The following IFRD1 variants were observed in gnomAD, a reference collection of about 807,000 sequenced individuals.
IFRD1 encodes interferon-related developmental regulator 1.
A neutral mutation model predicts 52.9 loss-of-function variants in IFRD1; 35 were observed. That is an observed-to-expected ratio of 0.66 (90% CI 0.51 to 0.88). The LOEUF (loss-of-function observed/expected upper bound fraction) is 0.88. Ranked by LOEUF, IFRD1 falls within the 40% of genes least tolerant of loss-of-function variation. The pLI is 0.00. For missense variants in IFRD1, 517 were observed against 550.8 expected (o/e 0.94, Z 0.61); for synonymous variants, 184 against 188.4 (o/e 0.98, Z 0.19).
intron 8 of IFRD1, 200 bp from the exon 9 acceptor site, chr7:112,467,781 A>C: frequency 1.7e-6 from 1 of 589,180 alleles, no homozygotes; most frequent in Non-Finnish European, 3.0e-6. Flanking sequence ...GTAGTACATC[A>C]TCTTGTAGTC....
In IFRD1 at chr7:112,462,165, G is replaced by T; in HGVS notation, c.783G>T (p.Lys261Asn). 6.2e-7 allele frequency: 1 copy of T among 1,613,790 alleles called. No homozygotes were observed. The highest frequency in any genetic ancestry group is 8.5e-7 in the Non-Finnish European group (1 of 1,179,860). Residue 261 changes from lysine to asparagine, a missense_variant, in exon 7 of 12, where the codon AAG (lysine) becomes AAT (asparagine). By Grantham distance (94) the Lys-to-Asn change is moderately conservative. Transcript: ENST00000403825. Reference sequence around the variant, plus strand: ...CCATATGCCCAATCAATGAAGTGAAGAAAAAGCTTGAGATGTATGTATTTT... The same window carrying T: ...CCATATGCCCAATCAATGAAGTGAATAAAAAGCTTGAGATGTATGTATTTT... The part of the protein sequence containing the change: ...LLTICPINEV[K>N]KKLEMHFHKL...
intron 9 of IFRD1, among the ~76,000 whole-genome samples, chr7:112,470,338 C>T (rs1251292772): frequency 1.3e-5 from 2 of 152,152 alleles, no homozygotes; most frequent in Non-Finnish European, 2.9e-5. Flanking sequence ...GAGAAAGTAA[C>T]GTTTCACTTA....
chr7:112,450,839 C>T, intron 1 of IFRD1, 57 bp downstream of exon 1: 1 of 1,183,290 alleles, frequency 8.5e-7, no homozygotes, highest in Non-Finnish European at 1.3e-6. Flanking sequence ...GCGAGTCTTC[C>T]ATGCTTCGGC....
intron 3 of IFRD1, 83 bp downstream of exon 3, chr7:112,456,169 A>G (rs1208135219): frequency 2.4e-6 from 2 of 825,866 alleles, no homozygotes; most frequent in Non-Finnish European, 4.2e-6. Flanking sequence ...ATTCTGTGTG[A>G]TTCTAATCAG....
In IFRD1 at chr7:112,462,136, CTGACCATATGCCCAATCAA is replaced by C. The variant is rs1795454796; in HGVS notation, c.758_776del (p.Thr253LysfsTer2). 6.2e-7 allele frequency: 1 copy of C among 1,613,688 alleles called. No homozygotes were observed. ...CTCTCTTCTTGCATGGACACTACTG[CTGACCATATGCCCAATCAA>C]TGAAGTGAAGAAAAAGCTTGAGATG... On this transcript the variant is annotated frameshift_variant, in exon 7 of 12. Coordinates refer to ENST00000403825, the MANE Select transcript of IFRD1 (RefSeq NM_001550.4). LOFTEE classifies it high-confidence loss of function.
At position 112,455,856 on chromosome 7, in the gene IFRD1, T is replaced by C; in HGVS notation, c.188T>C (p.Phe63Ser). The C allele has an allele frequency of 1.2e-6, 2 of 1,606,746 alleles. No homozygotes were observed. The highest frequency in any genetic ancestry group is 1.7e-6 in the Non-Finnish European group (2 of 1,173,286). The part of the protein sequence containing the change: ...HCSGYSDPSS[F>S]AEDGPEVLDE... ...AGTGGTTATAGCGATCCTTCCAGTT[T>C]TGCTGAAGATGGTATGAGTTTTAAA... Residue 63 changes from phenylalanine to serine, a missense_variant, in exon 2 of 12, where the codon TTT becomes TCT. Transcript: ENST00000403825.
chr7:112,472,623 C>T (rs1033364629), intron 10 of IFRD1, 143 bp from the exon 11 acceptor site: 4 of 735,972 alleles, frequency 5.4e-6, no homozygotes, highest in Middle Eastern at 2.8e-4. Context: ...AAACAATTTG[C>T]TTTCTATTGA....
intron 1 of IFRD1, among the ~76,000 whole-genome samples, chr7:112,445,358 G>A (rs975080898): frequency 5.3e-5 from 8 of 151,870 alleles, no homozygotes; most frequent in South Asian, 2.1e-4. Flanking sequence ...GAGTTACCCC[G>A]CCCGGCCGGC....
At chr7:112,463,853 T>TACACACACACACACACAC in intron 8 of IFRD1, among the ~76,000 whole-genome samples, 3 of 43,454 alleles carry the variant, frequency 6.9e-5, no homozygotes, top group East Asian at 4.7e-4. Flanking sequence ...CACATTTATA[T>TACACACACACACACACAC]ACACACACAC....
chr7:112,428,632 C>T (rs1794479754), intron 1 of IFRD1, among the ~76,000 whole-genome samples: 1 of 152,182 alleles, frequency 6.6e-6, no homozygotes, highest in Non-Finnish European at 1.5e-5. Context: ...TAGCTATCAT[C>T]TGCTTATGAG....
At chr7:112,427,296 T>C (rs974591044) in intron 1 of IFRD1, among the ~76,000 whole-genome samples, 1 of 152,200 alleles carries the variant, frequency 6.6e-6, no homozygotes, top group Non-Finnish European at 1.5e-5. Context: ...TCCTGTTGCA[T>C]TGGGGATTAA....
In IFRD1 at chr7:112,470,743, G is replaced by A. The variant is rs3095058; in HGVS notation, c.1042-1476G>A. 6.8e-3 allele frequency among the ~76,000 whole-genome samples: 1,033 copies of A among 152,250 alleles called. 13 individuals are homozygous for A. The highest frequency in any genetic ancestry group is 0.024 in the African/African-American group (992 of 41,552). ...TAGTATTTGCATATAACCTATGCAC[G>A]TATACTTTAAATCATCTGTAGATTA... On this transcript the variant is annotated intron_variant, in intron 9 of 11. Transcript: ENST00000403825.
chr7:112,450,786 A>G lies in IFRD1; in HGVS notation c.94+4A>G, dbSNP rs1259418144. 14 of 1,606,902 alleles carry G rather than the reference A, an allele frequency of 8.7e-6. No individual in the cohort carries two copies. The highest frequency in any genetic ancestry group is 1.1e-5 in the Non-Finnish European group (13 of 1,174,880). On this transcript the variant is annotated splice_donor_region_variant and intron_variant, in intron 1 of 11. Transcript: ENST00000403825. ...GCAGCGACGGCGGCGACAGCAGGTAAGGGGTATCCCCGCCGCCGGCATCCC... is the reference window on the plus strand; with the variant it reads ...GCAGCGACGGCGGCGACAGCAGGTAGGGGGTATCCCCGCCGCCGGCATCCC...
intron 10 of IFRD1, 149 bp downstream of exon 10, chr7:112,472,496 A>G: frequency 3.3e-6 from 3 of 919,168 alleles, no homozygotes; most frequent in Admixed American, 2.1e-5. Flanking sequence ...GTAGACTTGA[A>G]TAAATCTGAA....
chr7:112,438,233 A>T (rs907301294), intron 1 of IFRD1, among the ~76,000 whole-genome samples: 2 of 152,074 alleles, frequency 1.3e-5, no homozygotes, highest in Non-Finnish European at 2.9e-5. Context: ...CTGATTTCAT[A>T]AAAAAAGGGG....
At chr7:112,464,786 C>T (rs971154605) in intron 8 of IFRD1, among the ~76,000 whole-genome samples, 1 of 152,154 alleles carries the variant, frequency 6.6e-6, no homozygotes, top group Non-Finnish European at 1.5e-5. Context: ...TAGACCTTTT[C>T]CAGGTCTCAC....
intron 1 of IFRD1, among the ~76,000 whole-genome samples, chr7:112,438,043 A>G (rs1185810363): frequency 6.6e-6 from 1 of 152,128 alleles, no homozygotes; most frequent in African/African-American, 2.4e-5. Flanking sequence ...TATGTTTTTC[A>G]TTTGCTAAAT....
chr7:112,442,929 T>C (rs1794929203), intron 1 of IFRD1, among the ~76,000 whole-genome samples: 1 of 152,246 alleles, frequency 6.6e-6, no homozygotes, highest in East Asian at 1.9e-4. Flanking sequence ...TAAATATCTG[T>C]TGACTAATAT....
intron 11 of IFRD1, 77 bp from the exon 12 acceptor site, chr7:112,475,353 T>C (rs1235887615): frequency 1.2e-6 from 1 of 800,678 alleles, no homozygotes; most frequent in Admixed American, 2.1e-5. Flanking sequence ...CTTTTCTTTG[T>C]GACTTTTACC....
Sources: allele counts gnomAD v4.1 joint callset (sites outside exome capture counted in the v4.1 genomes callset), GRCh38; gene constraint gnomAD v4.1.1; transcripts MANE v1.5; gene names NCBI Gene and HGNC (gene_info 2026-07-23, HGNC 2026-07-21).